SLC38A9: variants seen among roughly 807,000 people sequenced by gnomAD.
SLC38A9 encodes the protein solute carrier family 38 member 9, also known as neutral amino acid transporter 9.
A neutral mutation model predicts 62.3 loss-of-function variants in SLC38A9; 48 were observed. That is an observed-to-expected ratio of 0.77 (90% CI 0.61 to 0.98). The LOEUF is 0.98. Among genes scored for constraint, SLC38A9 ranks in the 50% least tolerant of loss-of-function variants. SLC38A9 has a pLI of 0.00. For missense variants in SLC38A9, 541 were observed against 679.8 expected (o/e 0.80, Z 2.27); for synonymous variants, 204 against 227.7 (o/e 0.90, Z 0.94).
chr5:55,664,895 A>T lies in SLC38A9; in HGVS notation c.527-32T>A, dbSNP rs764436132. On this transcript the variant is annotated intron_variant, in intron 7 of 15. Transcript: ENST00000396865. ...AAAATAAGAGAAAGAATAAAACTAAATGTTGAACATATATTCCATATTCAT... is the reference window on the plus strand; with the variant it reads ...AAAATAAGAGAAAGAATAAAACTAATTGTTGAACATATATTCCATATTCAT... The T allele has an allele frequency of 3.6e-6, 5 of 1,393,708 alleles. No homozygotes were observed. The South Asian group carries it at 7.3e-5, about 20-fold the overall frequency. The allele number at this position is 1,393,708 out of a possible 1,614,324, so 86.3% of individuals were successfully genotyped here. A position where few individuals can be genotyped will look rare whatever the true frequency, so the allele number is the denominator to read the frequency against.
chr5:55,628,023 A>T, intron 14 of SLC38A9, 43 bp from the exon 15 acceptor site: 2 of 1,316,966 alleles, frequency 1.5e-6, no homozygotes, highest in Non-Finnish European at 1.1e-6. Flanking sequence ...AAAAATATAA[A>T]AATAGGCAAA....
chr5:55,690,769 C>T (rs1754618028), intron 3 of SLC38A9, among the ~76,000 whole-genome samples: 1 of 122,346 alleles, frequency 8.2e-6, no homozygotes, highest in African/African-American at 2.9e-5. Flanking sequence ...CTAGATTCCC[C>T]AAAGGAACTT....
intron 3 of SLC38A9, among the ~76,000 whole-genome samples, chr5:55,685,585 T>G (rs1753671234): frequency 1.3e-5 from 2 of 152,234 alleles, no homozygotes; most frequent in South Asian, 4.1e-4. Flanking sequence ...TATTTAACAT[T>G]TGAGGAGCTA....
intron 3 of SLC38A9, among the ~76,000 whole-genome samples, chr5:55,683,428 TAA>T (rs1458362213): frequency 6.6e-6 from 1 of 152,212 alleles, no homozygotes; most frequent in Non-Finnish European, 1.5e-5. Flanking sequence ...ATTTTTATCC[TAA>T]GTTATAGGAA....
chr5:55,665,425 T>TA (rs1171603263), intron 7 of SLC38A9, among the ~76,000 whole-genome samples: 1 of 151,772 alleles, frequency 6.6e-6, no homozygotes, highest in Non-Finnish European at 1.5e-5. Flanking sequence ...GGCGCGCCTG[T>TA]AGTCCCAGCT....
intron 3 of SLC38A9, among the ~76,000 whole-genome samples, chr5:55,689,854 A>G (rs1330176822): frequency 6.6e-6 from 1 of 152,198 alleles, no homozygotes; most frequent in Non-Finnish European, 1.5e-5. Context: ...ACACCCCAAA[A>G]TAAGTGGAGA....
At position 55,635,238 on chromosome 5, in the gene SLC38A9, G is replaced by C. The variant is rs1053581209; in HGVS notation, c.1281+306C>G. 8.6e-5 allele frequency: 29 copies of C among 337,208 alleles called. 1 individual carries two copies. In the South Asian group the frequency reaches 9.2e-4, roughly 11 times the overall value. 20.9% of individuals were successfully genotyped at this position (337,208 alleles called of 1,614,324 possible). The stretch of plus-strand genomic sequence containing the variant: ...TACTTGTACCAGTTCCCCACAAAAA[G>C]AGAAATATATGTACATAATAGTAGA... On this transcript the variant is annotated intron_variant, in intron 13 of 15. Coordinates refer to ENST00000396865, the MANE Select transcript of SLC38A9 (RefSeq NM_173514.4).
rs760002767 is a variant in SLC38A9, at chr5:55,633,798, A to T, written c.1386T>A (p.Ala462=). 1.9e-6 allele frequency: 3 copies of T among 1,614,092 alleles called. No homozygotes were observed. The African/African-American group carries it at 4.0e-5, about 22-fold the overall frequency. ...MTVYPLLGYL[A]RVQLLGHIFG... Reference sequence around the variant, plus strand: ...AGATATGGCCCAAAAGCTGGACACGAGCCAGGTAGCCTAAGAGTGGGTATA... The same window carrying T: ...AGATATGGCCCAAAAGCTGGACACGTGCCAGGTAGCCTAAGAGTGGGTATA... Residue 462 remains alanine (A), a synonymous_variant, in exon 14 of 16, where the codon GCT becomes GCA. Transcript: ENST00000396865.
chr5:55,662,334 G>A (rs970737618), intron 8 of SLC38A9, among the ~76,000 whole-genome samples: 1 of 151,970 alleles, frequency 6.6e-6, no homozygotes, highest in African/African-American at 2.4e-5. Flanking sequence ...TATTAACAGA[G>A]ATGATGAAAG....
rs1426070789 is a variant in SLC38A9, at chr5:55,645,810, G to C, written c.1146C>G (p.Asn382Lys). Residue 382 changes from asparagine (N) to lysine (K), a missense_variant, in exon 12 of 16, where the codon AAC becomes AAG. Asn to Lys is a moderately conservative substitution (Grantham distance 94). Transcript: ENST00000396865. Reference sequence around the variant, plus strand: ...TCACATTGTTTTCTTGTTTCTTGTTGTTCTTCAAGAGTGTGATGATACAAT... The same window carrying C: ...TCACATTGTTTTCTTGTTTCTTGTTCTTCTTCAAGAGTGTGATGATACAAT... ...IHNCIITLLK[N>K]NKKQENNVRD... 1 of 1,607,240 alleles carries C rather than the reference G, an allele frequency of 6.2e-7. No homozygotes were observed. The highest frequency in any genetic ancestry group is 1.3e-5 in the African/African-American group (1 of 74,684).
intron 3 of SLC38A9, among the ~76,000 whole-genome samples, chr5:55,677,528 G>C (rs1580307948): frequency 6.6e-6 from 1 of 152,062 alleles, no homozygotes; most frequent in Non-Finnish European, 1.5e-5. Context: ...CTACTGAATT[G>C]TAGGTCTTTT....
intron 12 of SLC38A9, among the ~76,000 whole-genome samples, chr5:55,642,906 G>A (rs2150114307): frequency 6.6e-6 from 1 of 152,282 alleles, no homozygotes; most frequent in South Asian, 2.1e-4. Flanking sequence ...ACTTAGAAAG[G>A]TTTTTGCCTT....
Position 55,635,642 on chromosome 5 carries a change from T to C in SLC38A9, c.1183A>G (p.Ile395Val). Residue 395 changes from isoleucine to valine, a missense_variant, in exon 13 of 16, where the codon ATT (isoleucine) becomes GTT (valine). Ile to Val is a conservative substitution (Grantham distance 29, BLOSUM62 3). Coordinates refer to ENST00000396865, the MANE Select transcript of SLC38A9 (RefSeq NM_173514.4). Reference protein sequence around the residue: ...KQENNVRDLCIAYMLVTLTYL... With the variant: ...KQENNVRDLCVAYMLVTLTYL... ...GTTAATGTCACCAGCATATAAGCAA[T>C]GCACAAGTCCCTCACCTGTAAATAC... The C allele has an allele frequency of 1.2e-6, 2 of 1,613,198 alleles. No individual in the cohort carries two copies. The highest frequency in any genetic ancestry group is 8.5e-7 in the Non-Finnish European group (1 of 1,179,272).
intron 9 of SLC38A9, among the ~76,000 whole-genome samples, chr5:55,655,698 G>A (rs1748290956): frequency 1.3e-5 from 2 of 152,126 alleles, no homozygotes; most frequent in Non-Finnish European, 2.9e-5. Context: ...GCCTAGAACA[G>A]TTCCTGACAC....
chr5:55,668,779 A>G (rs1039149456), intron 7 of SLC38A9, among the ~76,000 whole-genome samples: 4 of 152,348 alleles, frequency 2.6e-5, no homozygotes, highest in Non-Finnish European at 5.9e-5. Context: ...GTGTTCACAC[A>G]ACTTCAAATA....
intron 3 of SLC38A9, chr5:55,694,147 GC>G: frequency 4.8e-6 from 1 of 207,132 alleles, no homozygotes; most frequent in Non-Finnish European, 1.0e-5. Flanking sequence ...GATCAAGGCT[GC>G]AGCAAGCCAT....
At chr5:55,659,378 G>GTTTTTTTTTTTTT (rs35686566) in intron 8 of SLC38A9, among the ~76,000 whole-genome samples, 5 of 125,630 alleles carry the variant, frequency 4.0e-5, no homozygotes, top group Non-Finnish European at 6.5e-5. Context: ...AACTGGAAAG[G>GTTTTTTTTTTTTT]TTTTTTTTTT....
intron 8 of SLC38A9, among the ~76,000 whole-genome samples, chr5:55,662,143 C>T (rs1749684962): frequency 6.6e-6 from 1 of 152,062 alleles, no homozygotes; most frequent in Non-Finnish European, 1.5e-5. Context: ...TCTATAAGGT[C>T]CATAACTTGG....
At chr5:55,685,951 A>C (rs745611478) in intron 3 of SLC38A9, among the ~76,000 whole-genome samples, 2 of 152,192 alleles carry the variant, frequency 1.3e-5, no homozygotes, top group Non-Finnish European at 2.9e-5. Context: ...TGTCCCTGCA[A>C]AAGACATGAT....
Sources: gnomAD v4.1 joint callset for allele counts (sites outside exome capture counted in the v4.1 genomes callset) on GRCh38, gnomAD v4.1.1 for gene constraint, MANE v1.5 for transcripts, NCBI Gene and HGNC (gene_info 2026-07-23, HGNC 2026-07-21) for gene names.